HDAC2: variants seen among roughly 807,000 people sequenced by gnomAD.
HDAC2 encodes the protein histone deacetylase 2, also known as YY1-associated factor 1.
In HDAC2, 5 loss-of-function variants were observed where a neutral mutation model predicts 68.5. That is an observed-to-expected ratio of 0.07 (90% confidence interval 0.04 to 0.15). The LOEUF (loss-of-function observed/expected upper bound fraction) is 0.15. Among genes scored for constraint, HDAC2 ranks in the 10% least tolerant of loss-of-function variants. The pLI is 1.00. For missense variants in HDAC2, 291 were observed against 600.8 expected, an observed-to-expected ratio of 0.48 and a Z score of 5.39; for synonymous variants, 182 against 191.3, an observed-to-expected ratio of 0.95 and a Z score of 0.40.
chr6:113,965,176 C>T (rs2114619851), intron 1 of HDAC2, among the ~76,000 whole-genome samples: 1 of 152,242 alleles, frequency 6.6e-6, no homozygotes, highest in Admixed American at 6.5e-5. Flanking sequence ...CTTTTTACTG[C>T]CTAACATGGG....
intron 10 of HDAC2, among the ~76,000 whole-genome samples, 164 bp downstream of exon 10, chr6:113,945,198 A>T (rs199568351): frequency 2.8e-5 from 2 of 70,420 alleles, no homozygotes; most frequent in East Asian, 4.4e-4. Flanking sequence ...ATTAAAAATT[A>T]AAAAAAAAAA....
At chr6:113,949,704 G>C (rs1776358008) in intron 6 of HDAC2, among the ~76,000 whole-genome samples, 1 of 151,994 alleles carries the variant, frequency 6.6e-6, no homozygotes, top group Admixed American at 6.5e-5. Flanking sequence ...ACAATCTGTT[G>C]GTATGAGTTT....
chr6:113,959,823 G>T, intron 2 of HDAC2, 83 bp downstream of exon 2: 1 of 678,954 alleles, frequency 1.5e-6, no homozygotes, highest in Non-Finnish European at 2.6e-6. Flanking sequence ...GCCCTCAAAA[G>T]GGGAATAATA....
intron 1 of HDAC2, among the ~76,000 whole-genome samples, chr6:113,967,296 T>G (rs1037022818): frequency 1.3e-5 from 2 of 152,058 alleles, no homozygotes; most frequent in African/African-American, 4.8e-5. Flanking sequence ...GCCTGGCTAA[T>G]TTTTGTATTT....
intron 1 of HDAC2, among the ~76,000 whole-genome samples, chr6:113,965,069 T>C (rs1388515523): frequency 1.3e-5 from 2 of 152,200 alleles, no homozygotes; most frequent in East Asian, 3.8e-4. Context: ...TCCTTACCAA[T>C]TATTTTGAGA....
Position 113,934,779 on chromosome 6 carries a change from G to A in HDAC2, c.*6279C>T, listed in dbSNP as rs2114576454. ...GGGTGTTTGGCATCAAAAGGGAATAGCACAGGAATTATACCTAAGTCCATT... is the reference window on the plus strand; with the variant it reads ...GGGTGTTTGGCATCAAAAGGGAATAACACAGGAATTATACCTAAGTCCATT... On this transcript the variant is annotated 3_prime_UTR_variant, in exon 14 of 14. Transcript: ENST00000519065. 1 of 152,306 alleles carries A rather than the reference G, an allele frequency of 6.6e-6. No individual in the cohort carries two copies. The highest frequency in any genetic ancestry group is 1.5e-5 in the Non-Finnish European group (1 of 68,030). The allele number at this position is 152,306 out of a possible 1,614,324, so 9.4% of individuals were successfully genotyped here. A position where few individuals can be genotyped will look rare whatever the true frequency, so the allele number is the denominator to read the frequency against.
At chr6:113,955,942 T>C (rs1268177396) in intron 5 of HDAC2, 71 bp downstream of exon 5, 19 of 1,151,740 alleles carry the variant, frequency 1.6e-5, no homozygotes, top group African/African-American at 3.2e-5. Flanking sequence ...TTTAAAGCCA[T>C]AGACTTTATT....
intron 8 of HDAC2, chr6:113,947,481 CTA>C (rs1199657164): frequency 1.3e-5 from 2 of 152,128 alleles, no homozygotes; most frequent in African/African-American, 4.8e-5. Flanking sequence ...AACTGAAACT[CTA>C]TTAGCTGAAA....
intron 1 of HDAC2, among the ~76,000 whole-genome samples, chr6:113,967,488 T>C (rs1455398840): frequency 1.3e-5 from 2 of 152,326 alleles, no homozygotes; most frequent in South Asian, 2.1e-4. Flanking sequence ...TGAGTGTTTT[T>C]TTCTGGACCA....
chr6:113,941,087 T>C lies in HDAC2; in HGVS notation c.1438A>G (p.Thr480Ala), dbSNP rs569887790. 1.9e-6 allele frequency: 3 copies of C among 1,609,606 alleles called. No individual in the cohort carries two copies. The highest frequency in any genetic ancestry group is 2.2e-5 in the East Asian group (1 of 44,756). The change falls in exon 14 of 14, where the codon ACC (threonine) becomes GCC (alanine). Residue 480 changes from threonine to alanine, a missense_variant and splice_region_variant. Coordinates refer to ENST00000519065, the MANE Select transcript of HDAC2 (RefSeq NM_001527.4). Reference sequence around the variant, plus strand: ...GGGTTGCTGAGCTGTTCTGATTTGGTTCTGTTAAAAGAGGCAATGTGAAAT... The same window carrying C: ...GGGTTGCTGAGCTGTTCTGATTTGGCTCTGTTAAAAGAGGCAATGTGAAAT... ...NSGEKTDTKG[T>A]KSEQLSNP
At chr6:113,956,242 T>C in intron 4 of HDAC2, 91 bp from the exon 5 acceptor site, 1 of 1,029,096 alleles carries the variant, frequency 9.7e-7, no homozygotes, top group East Asian at 2.5e-5. Context: ...ATGCCATGCA[T>C]AAGCAAGAGC....
intron 12 of HDAC2, among the ~76,000 whole-genome samples, chr6:113,941,996 G>T (rs977302200): frequency 2.0e-5 from 3 of 151,876 alleles, no homozygotes; most frequent in Non-Finnish European, 2.9e-5. Flanking sequence ...CTAACTCTAG[G>T]TTTTGACCTA....
chr6:113,936,822 T>C lies in HDAC2; in HGVS notation c.*4236A>G. On this transcript the variant is annotated 3_prime_UTR_variant, in exon 14 of 14. Transcript: ENST00000519065. ...GCCTGGACAATATGGTGAGAACCCG[T>C]CTCTACTAAATATACAAAAATTAGC... The C allele has an allele frequency of 6.6e-6, 1 of 151,962 alleles. No individual in the cohort carries two copies. Among genetic ancestry groups the C allele is most frequent in the East Asian group, 1.9e-4 (1 of 5,176 alleles). 9.4% of individuals were successfully genotyped at this position (151,962 alleles called of 1,614,324 possible).
At chr6:113,941,608 C>T in intron 13 of HDAC2, 100 bp downstream of exon 13, 1 of 463,834 alleles carries the variant, frequency 2.2e-6, no homozygotes, top group South Asian at 5.5e-5. Flanking sequence ...TTCTAAGGTT[C>T]AGTCTAGTAT....
At chr6:113,959,242 C>T (rs1342064107) in intron 2 of HDAC2, among the ~76,000 whole-genome samples, 1 of 152,088 alleles carries the variant, frequency 6.6e-6, no homozygotes, top group African/African-American at 2.4e-5. Flanking sequence ...ACAAGACTTC[C>T]AGACTGAGTC....
At chr6:113,952,950 A>C (rs192059372) in intron 6 of HDAC2, among the ~76,000 whole-genome samples, 246 of 152,328 alleles carry the variant, frequency 1.6e-3, no homozygotes, top group Non-Finnish European at 2.9e-3. Context: ...CATTCTTTAC[A>C]ATCAATAGCA....
intron 13 of HDAC2, 140 bp from the exon 14 acceptor site, chr6:113,941,228 T>G: frequency 2.0e-6 from 1 of 507,828 alleles, no homozygotes; most frequent in Non-Finnish European, 3.4e-6. Flanking sequence ...TCTGGAGTAA[T>G]TAATGCCTTA....
chr6:113,961,328 T>C (rs1038084779), intron 1 of HDAC2, among the ~76,000 whole-genome samples: 3 of 152,190 alleles, frequency 2.0e-5, no homozygotes, highest in Non-Finnish European at 2.9e-5. Context: ...GGATAAACAA[T>C]CAGCTTTTAC....
Position 113,936,117 on chromosome 6 carries a change from T to G in HDAC2, c.*4941A>C, listed in dbSNP as rs189975795. On this transcript the variant is annotated 3_prime_UTR_variant, in exon 14 of 14. Coordinates refer to ENST00000519065, the MANE Select transcript of HDAC2 (RefSeq NM_001527.4). ...CAGATGTAAAACTTAGAAATTAGTG[T>G]TATAATTCTTATAGGAAAACCTAAA... 4.3e-4 allele frequency: 66 copies of G among 152,356 alleles called. No homozygotes were observed. Among genetic ancestry groups the G allele is most frequent in the African/African-American group, 1.4e-3 (60 of 41,586 alleles). 9.4% of individuals were successfully genotyped at this position (152,356 alleles called of 1,614,324 possible).
Sources: allele counts gnomAD v4.1 joint callset (sites outside exome capture counted in the v4.1 genomes callset), GRCh38; gene constraint gnomAD v4.1.1; transcripts MANE v1.5; gene names NCBI Gene and HGNC (gene_info 2026-07-23, HGNC 2026-07-21).